The following SLC35F3 variants were observed in gnomAD, a reference collection of about 807,000 sequenced individuals.
SLC35F3 encodes the protein putative thiamine transporter SLC35F3.
In SLC35F3, 25 loss-of-function variants were observed where a neutral mutation model predicts 49.9. The observed-to-expected ratio is 0.50, with a 90% confidence interval of 0.37 to 0.70. SLC35F3 has a LOEUF of 0.70. SLC35F3 is among the 30% of genes least tolerant of loss of function. SLC35F3 has a pLI of 0.00. For synonymous variants in SLC35F3, 275 were observed against 265.4 expected (o/e 1.04, Z -0.35); for missense variants, 525 against 639.8 (o/e 0.82, Z 1.94).
At chr1:234,291,857 A>C (rs1319233192) in intron 3 of SLC35F3, among the ~76,000 whole-genome samples, 1 of 152,236 alleles carries the variant, frequency 6.6e-6, no homozygotes, top group Non-Finnish European at 1.5e-5. Context: ...TTTAAGGCAA[A>C]AGCCAAAAAT....
chr1:234,020,603 T>C (rs920651513), intron 2 of SLC35F3, among the ~76,000 whole-genome samples: 2 of 152,218 alleles, frequency 1.3e-5, no homozygotes, highest in Non-Finnish European at 2.9e-5. Context: ...GAAATTACTC[T>C]TTTGAAGTTT....
At chr1:234,014,583 ACCACT>A (rs1663774466) in intron 2 of SLC35F3, among the ~76,000 whole-genome samples, 3 of 152,196 alleles carry the variant, frequency 2.0e-5, no homozygotes, top group Admixed American at 2.0e-4. Flanking sequence ...TATAACTTTG[ACCACT>A]CCACCCAAAA....
At chr1:233,925,963 C>T (rs1662150893) in intron 2 of SLC35F3, among the ~76,000 whole-genome samples, 1 of 152,196 alleles carries the variant, frequency 6.6e-6, no homozygotes, top group Non-Finnish European at 1.5e-5. Context: ...TATTGGCCCC[C>T]ACTCTCTTCT....
At chr1:234,072,053 G>A (rs961308122) in intron 2 of SLC35F3, among the ~76,000 whole-genome samples, 3 of 152,208 alleles carry the variant, frequency 2.0e-5, no homozygotes, top group African/African-American at 7.2e-5. Context: ...TTTAGAGTCA[G>A]ATTTATGTAA....
At chr1:234,224,076 G>GT (rs992433830) in intron 2 of SLC35F3, among the ~76,000 whole-genome samples, 1 of 151,976 alleles carries the variant, frequency 6.6e-6, no homozygotes, top group African/African-American at 2.4e-5. Context: ...TTGTTTGTTT[G>GT]TTTTTTAAGA....
intron 2 of SLC35F3, among the ~76,000 whole-genome samples, chr1:234,115,266 A>G (rs1021278985): frequency 6.6e-6 from 1 of 152,164 alleles, no homozygotes; most frequent in Non-Finnish European, 1.5e-5. Flanking sequence ...TTACTCTTTA[A>G]TATTGCTGCC....
chr1:233,983,026 C>T (rs902672742), intron 2 of SLC35F3, among the ~76,000 whole-genome samples: 5 of 152,128 alleles, frequency 3.3e-5, no homozygotes, highest in Non-Finnish European at 5.9e-5. Flanking sequence ...CAGGTAGGAG[C>T]GCAGTTCCTG....
At chr1:234,256,654 T>C (rs144346570) in intron 3 of SLC35F3, among the ~76,000 whole-genome samples, 70 of 152,344 alleles carry the variant, frequency 4.6e-4, no homozygotes, top group African/African-American at 1.6e-3. Flanking sequence ...GCTTCACCTT[T>C]TGATGTCAGA....
chr1:234,048,034 A>G (rs7414838), intron 2 of SLC35F3, among the ~76,000 whole-genome samples: 147,758 of 152,190 alleles, frequency 0.97, 71,756 homozygotes, highest in East Asian at 1. Context: ...AAATTGGAGG[A>G]AAGATGATTC....
chr1:234,286,962 G>A (rs1047451111), intron 3 of SLC35F3, among the ~76,000 whole-genome samples: 5 of 152,312 alleles, frequency 3.3e-5, no homozygotes, highest in Admixed American at 3.3e-4. Context: ...TTCAGGCCAG[G>A]AGTTTGAGAT....
chr1:234,281,805 T>G (rs923142396), intron 3 of SLC35F3, among the ~76,000 whole-genome samples: 1 of 151,912 alleles, frequency 6.6e-6, no homozygotes. Context: ...ATCAACCGTA[T>G]CGAGCTTATG....
chr1:233,905,242 C>G (rs1321087045), intron 1 of SLC35F3, 112 bp downstream of exon 1: 1 of 1,186,922 alleles, frequency 8.4e-7, no homozygotes, highest in Non-Finnish European at 1.2e-6. Context: ...GGAAGGGCGG[C>G]GCGCGCGGTG....
Position 234,064,601 on chromosome 1 carries a change from C to T in SLC35F3, c.283+158843C>T, listed in dbSNP as rs904536137. ...TGACACAATCACATGCAATCTCTTTCTTTATAGTTGTTGTGCTGTGGCTAA... is the reference window on the plus strand; with the variant it reads ...TGACACAATCACATGCAATCTCTTTTTTTATAGTTGTTGTGCTGTGGCTAA... On this transcript the variant is annotated intron_variant, in intron 2 of 7. Transcript: ENST00000366618. Among the ~76,000 whole-genome samples the T allele has an allele frequency of 5.9e-5, 9 of 152,112 alleles. 1 individual carries two copies. The highest frequency in any genetic ancestry group is 5.2e-4 in the Admixed American group (8 of 15,262).
intron 2 of SLC35F3, among the ~76,000 whole-genome samples, chr1:234,205,602 C>T (rs1039726986): frequency 2.6e-5 from 4 of 152,204 alleles, no homozygotes; most frequent in African/African-American, 7.2e-5. Flanking sequence ...GGGGCAGAAA[C>T]AGCTAGAAGC....
intron 2 of SLC35F3, among the ~76,000 whole-genome samples, chr1:234,147,402 T>C (rs1444186144): frequency 6.6e-6 from 1 of 152,192 alleles, no homozygotes. Context: ...TATTTGTACA[T>C]AATTCTTTAT....
intron 2 of SLC35F3, among the ~76,000 whole-genome samples, chr1:234,158,865 AAAG>A (rs1666188328): frequency 6.6e-6 from 1 of 152,252 alleles, no homozygotes; most frequent in African/African-American, 2.4e-5. Context: ...AGATATTAGA[AAAG>A]AACCCTCCCT....
At chr1:234,056,295 T>C (rs1664456031) in intron 2 of SLC35F3, among the ~76,000 whole-genome samples, 1 of 152,162 alleles carries the variant, frequency 6.6e-6, no homozygotes, top group Non-Finnish European at 1.5e-5. Flanking sequence ...ATTTCTTAAA[T>C]GTCTTTGAGC....
intron 2 of SLC35F3, among the ~76,000 whole-genome samples, chr1:234,083,924 G>A (rs1004436066): frequency 6.7e-6 from 1 of 149,354 alleles, no homozygotes; most frequent in Admixed American, 6.7e-5. Flanking sequence ...CACAACCTCC[G>A]CCTCCTGGGT....
intron 2 of SLC35F3, among the ~76,000 whole-genome samples, chr1:233,946,305 T>C (rs1000708363): frequency 2.6e-5 from 4 of 152,226 alleles, no homozygotes; most frequent in Non-Finnish European, 4.4e-5. Context: ...AAATTCAGGA[T>C]ACATGTTTCA....
Sources: gnomAD v4.1 joint callset for allele counts (sites outside exome capture counted in the v4.1 genomes callset) on GRCh38, gnomAD v4.1.1 for gene constraint, MANE v1.5 for transcripts, NCBI Gene and HGNC (gene_info 2026-07-23, HGNC 2026-07-21) for gene names.